NCALD: variants seen among roughly 807,000 people sequenced by gnomAD.
NCALD encodes neurocalcin-delta.
NCALD carries 10 observed loss-of-function variants against 18.6 expected under a neutral mutation model. The observed-to-expected ratio is 0.54, with a 90% confidence interval of 0.33 to 0.91. NCALD has a LOEUF of 0.91. Ranked by LOEUF, NCALD falls within the 40% of genes least tolerant of loss-of-function variation. The probability of loss-of-function intolerance (pLI) is 0.03; values close to 1 mark genes in which losing one functional copy is unlikely to be tolerated. For synonymous variants in NCALD, 88 were observed against 87.4 expected (o/e 1.01, Z -0.04); for missense variants, 184 against 247.6 (o/e 0.74, Z 1.72).
intron 1 of NCALD, among the ~76,000 whole-genome samples, chr8:102,079,854 C>T (rs775966775): frequency 7.9e-5 from 12 of 152,182 alleles, no homozygotes; most frequent in African/African-American, 1.2e-4. Flanking sequence ...CATCATGCTA[C>T]AAAGCGTAAA....
intron 1 of NCALD, among the ~76,000 whole-genome samples, chr8:102,121,075 G>C (rs1345970184): frequency 6.6e-6 from 1 of 152,178 alleles, no homozygotes; most frequent in Non-Finnish European, 1.5e-5. Flanking sequence ...CAGATTTCCA[G>C]GCAGCCAGTC....
intron 4 of NCALD, among the ~76,000 whole-genome samples, chr8:101,847,989 CA>C (rs1814937286): frequency 1.3e-5 from 2 of 151,856 alleles, no homozygotes; most frequent in South Asian, 4.2e-4. Flanking sequence ...GGGAATGGTA[CA>C]AAAGGGAAAA....
At chr8:101,861,232 G>A (rs1201310430) in intron 4 of NCALD, among the ~76,000 whole-genome samples, 1 of 151,878 alleles carries the variant, frequency 6.6e-6, no homozygotes, top group Non-Finnish European at 1.5e-5. Context: ...AACTAATATG[G>A]GCAACTTTGT....
chr8:101,844,523 C>A (rs1023055503), intron 4 of NCALD, among the ~76,000 whole-genome samples: 1 of 152,040 alleles, frequency 6.6e-6, no homozygotes, highest in African/African-American at 2.4e-5. Flanking sequence ...TCATGCCCAA[C>A]TAATTTTTTT....
chr8:102,089,152 T>C (rs144948697), intron 1 of NCALD, among the ~76,000 whole-genome samples: 13,555 of 152,228 alleles, frequency 0.089, 1,605 homozygotes, highest in African/African-American at 0.27. Context: ...CCCAGCACTT[T>C]GGGAGGCCAA....
chr8:101,933,420 T>C (rs572202151), intron 2 of NCALD, among the ~76,000 whole-genome samples: 1 of 152,254 alleles, frequency 6.6e-6, no homozygotes, highest in Non-Finnish European at 1.5e-5. Flanking sequence ...GGCCAGGAAA[T>C]GAATTCTCCC....
chr8:101,896,969 G>A lies in NCALD; in HGVS notation c.-106-9742C>T, dbSNP rs1219887587. Among the ~76,000 whole-genome samples, 3 of 89,246 alleles carry A rather than the reference G, an allele frequency of 3.4e-5. No individual in the cohort carries two copies. In the East Asian group the frequency reaches 8.6e-4, roughly 26 times the overall value. The allele number at this position is 89,246 out of a possible 152,430, so 58.5% of individuals were successfully genotyped here. On this transcript the variant is annotated intron_variant, in intron 3 of 6. Transcript: ENST00000311028. ...GGAAGTCAGTGTGGCGATTCCTCAG[G>A]GATCTAGAACTAGAAATACCATTTG...
chr8:101,699,990 G>A (rs1384023131), intron 2 of NCALD, among the ~76,000 whole-genome samples: 2 of 151,994 alleles, frequency 1.3e-5, no homozygotes, highest in African/African-American at 4.8e-5. Context: ...GCTAAGCAGT[G>A]GAGATACAAT....
intron 1 of NCALD, among the ~76,000 whole-genome samples, chr8:101,723,841 C>T (rs369776477): frequency 1.2e-4 from 18 of 152,228 alleles, no homozygotes; most frequent in African/African-American, 4.1e-4. Flanking sequence ...ATATCATTAA[C>T]CTATTTACAG....
chr8:101,888,155 G>A (rs1395528491), intron 3 of NCALD, among the ~76,000 whole-genome samples: 1 of 152,136 alleles, frequency 6.6e-6, no homozygotes, highest in Non-Finnish European at 1.5e-5. Flanking sequence ...GGTAAGAGTA[G>A]GGTCAATCCA....
intron 3 of NCALD, among the ~76,000 whole-genome samples, chr8:101,907,372 T>C (rs186697080): frequency 5.5e-4 from 84 of 152,258 alleles, no homozygotes; most frequent in African/African-American, 2.0e-3. Flanking sequence ...ATTTGAAACA[T>C]GTAGAAACTC....
chr8:101,995,822 G>A (rs1024698925), intron 2 of NCALD, among the ~76,000 whole-genome samples: 9 of 152,152 alleles, frequency 5.9e-5, no homozygotes, highest in Non-Finnish European at 7.4e-5. Flanking sequence ...ACAGAGTCAC[G>A]TGTCCTCAAG....
At chr8:101,748,818 T>C (rs995767374) in intron 1 of NCALD, among the ~76,000 whole-genome samples, 5 of 152,156 alleles carry the variant, frequency 3.3e-5, no homozygotes, top group Admixed American at 2.6e-4. Flanking sequence ...CATTATGCAG[T>C]CTCTGTGCTG....
chr8:102,034,819 G>A (rs545805768), intron 1 of NCALD, among the ~76,000 whole-genome samples: 17 of 152,244 alleles, frequency 1.1e-4, no homozygotes, highest in South Asian at 4.1e-4. Flanking sequence ...AAACGTACGC[G>A]TCCCCTACAG....
chr8:101,798,988 G>A (rs979320483), intron 4 of NCALD, among the ~76,000 whole-genome samples: 2 of 152,086 alleles, frequency 1.3e-5, no homozygotes, highest in Non-Finnish European at 1.5e-5. Context: ...TATAGACAAG[G>A]ACCTGTTAAG....
At chr8:101,986,876 A>C (rs974658416) in intron 2 of NCALD, among the ~76,000 whole-genome samples, 3 of 144,486 alleles carry the variant, frequency 2.1e-5, no homozygotes, top group Admixed American at 7.1e-5. Flanking sequence ...TTTGAGCTTG[A>C]GCCAGCCAGC....
chr8:102,095,485 C>T (rs1825062381), intron 1 of NCALD, among the ~76,000 whole-genome samples: 1 of 152,144 alleles, frequency 6.6e-6, no homozygotes, highest in Non-Finnish European at 1.5e-5. Flanking sequence ...CTGTTAGGCT[C>T]GGACCAGCTA....
At chr8:102,019,338 G>C (rs770509755) in intron 2 of NCALD, among the ~76,000 whole-genome samples, 2 of 152,034 alleles carry the variant, frequency 1.3e-5, no homozygotes, top group Non-Finnish European at 2.9e-5. Flanking sequence ...TTTTTAAATT[G>C]ATACACCATT....
At chr8:101,953,232 C>T (rs1294118369) in intron 2 of NCALD, among the ~76,000 whole-genome samples, 1 of 152,136 alleles carries the variant, frequency 6.6e-6, no homozygotes, top group East Asian at 1.9e-4. Flanking sequence ...GAAGACTAGC[C>T]GCTGCTGACG....
Sources: gnomAD v4.1 joint callset for allele counts (sites outside exome capture counted in the v4.1 genomes callset) on GRCh38, gnomAD v4.1.1 for gene constraint, MANE v1.5 for transcripts, NCBI Gene and HGNC (gene_info 2026-07-23, HGNC 2026-07-21) for gene names.